RAPGEF1: variants seen among roughly 807,000 people sequenced by gnomAD.
The protein encoded by RAPGEF1 is CRK SH3-binding GNRP.
Under a neutral mutation model 143.3 loss-of-function variants are expected in RAPGEF1, and 33 were observed. The observed-to-expected ratio is 0.23, with a 90% CI of 0.17 to 0.31. The LOEUF (loss-of-function observed/expected upper bound fraction) is 0.31. Among genes scored for constraint, RAPGEF1 ranks in the 10% least tolerant of loss-of-function variants. RAPGEF1 has a pLI of 1.00. For missense variants in RAPGEF1, 1,199 were observed against 1,645.4 expected, an observed-to-expected ratio of 0.73 and a Z score of 4.69; for synonymous variants, 629 against 676.5, an observed-to-expected ratio of 0.93 and a Z score of 1.09.
Position 131,627,908 on chromosome 9 carries a change from C to T in RAPGEF1, c.1201+5G>A, listed in dbSNP as rs951610307. 1.3e-6 allele frequency: 2 copies of T among 1,576,544 alleles called. No homozygotes were observed. The highest frequency in any genetic ancestry group is 8.6e-7 in the Non-Finnish European group (1 of 1,161,630). ...CGATGGAACAGGAGGATGGTGGCGG[C>T]TCACCTAGTGTTTCACAGCTTGTGT... On this transcript the variant is annotated splice_donor_5th_base_variant and intron_variant, in intron 9 of 26. Transcript: ENST00000683357.
rs1407796539 is a variant in RAPGEF1, at chr9:131,629,249, G to C, written c.746C>G (p.Ala249Gly). 1.2e-6 allele frequency: 2 copies of C among 1,613,390 alleles called. No individual in the cohort carries two copies. Among genetic ancestry groups the C allele is most frequent in the Non-Finnish European group, 1.7e-6 (2 of 1,179,534 alleles). ...CTCGCGGTCTGTCAGGGGGAGCTCT[G>C]CTGGGCTGGAGAATTGGGAAGAACT... ...SSPASKPDGP[A>G]ELPLTDREVE... The change falls in exon 7 of 27, where the codon GCA becomes GGA. Residue 249 changes from alanine (A) to glycine (G), a missense_variant. By Grantham distance (60) the Ala-to-Gly change is moderately conservative. Around this residue, in one of 6 missense-constraint regions of RAPGEF1, gnomAD observed 613 missense variants for 710.9 expected, o/e 0.86. Transcript: ENST00000683357.
intron 1 of RAPGEF1, among the ~76,000 whole-genome samples, chr9:131,706,586 A>C (rs1188363593): frequency 6.6e-6 from 1 of 152,116 alleles, no homozygotes; most frequent in African/African-American, 2.4e-5. Flanking sequence ...GGAATCTTTA[A>C]TTCCAGTTTG....
At chr9:131,677,673 A>T (rs993075598) in intron 1 of RAPGEF1, among the ~76,000 whole-genome samples, 1 of 152,234 alleles carries the variant, frequency 6.6e-6, no homozygotes, top group Non-Finnish European at 1.5e-5. Flanking sequence ...AATATTAAAA[A>T]CAGGACTAAA....
chr9:131,673,010 C>A (rs1452788687), intron 1 of RAPGEF1, among the ~76,000 whole-genome samples: 2 of 152,178 alleles, frequency 1.3e-5, no homozygotes, highest in Non-Finnish European at 2.9e-5. Flanking sequence ...CCCTGCTCTT[C>A]CTTCTGCTTC....
chr9:131,603,202 C>T (rs867110776), intron 14 of RAPGEF1, among the ~76,000 whole-genome samples: 3 of 152,004 alleles, frequency 2.0e-5, no homozygotes, highest in Admixed American at 6.5e-5. Flanking sequence ...AAGCTCTTCA[C>T]GGGTGGGGGC....
intron 1 of RAPGEF1, among the ~76,000 whole-genome samples, chr9:131,656,810 G>T (rs917482445): frequency 6.6e-6 from 1 of 152,228 alleles, no homozygotes; most frequent in African/African-American, 2.4e-5. Flanking sequence ...TGGAACTCAA[G>T]AGGTTTATTA....
intron 1 of RAPGEF1, among the ~76,000 whole-genome samples, chr9:131,705,344 A>G (rs1834971036): frequency 6.6e-6 from 1 of 152,214 alleles, no homozygotes; most frequent in African/African-American, 2.4e-5. Flanking sequence ...GTGGTTTACA[A>G]TCAAGTGGTA....
At chr9:131,717,504 G>A (rs1051641308) in intron 1 of RAPGEF1, among the ~76,000 whole-genome samples, 8 of 152,100 alleles carry the variant, frequency 5.3e-5, no homozygotes, top group East Asian at 1.9e-4. Flanking sequence ...GGCCAGGCGC[G>A]GTGGCTCACA....
chr9:131,643,405 G>C lies in RAPGEF1; in HGVS notation c.328C>G (p.Leu110Val). ...RSQRQKNLSW[L>V]EEKEKEVVSA... ...ACAACTTCCTTCTCTTTCTCCTCCA[G>C]CCAGCTCAGGTTCTGAAAGGAGACG... The change falls in exon 4 of 27, where the codon CTG becomes GTG. Residue 110 changes from leucine (L) to valine (V), a missense_variant. This residue lies in a region of RAPGEF1 where 613 missense variants were observed against 710.9 expected (regional missense o/e 0.86). Coordinates refer to ENST00000683357, the MANE Select transcript of RAPGEF1 (RefSeq NM_001377935.1). 6.2e-7 allele frequency: 1 copy of C among 1,612,904 alleles called. No individual in the cohort carries two copies.
chr9:131,665,376 C>T (rs1364854840), intron 1 of RAPGEF1, among the ~76,000 whole-genome samples: 1 of 152,108 alleles, frequency 6.6e-6, no homozygotes, highest in Non-Finnish European at 1.5e-5. Flanking sequence ...GTGAGTTCTA[C>T]CTTAATGGTA....
At chr9:131,659,791 C>G (rs1210368916) in intron 1 of RAPGEF1, among the ~76,000 whole-genome samples, 3 of 152,058 alleles carry the variant, frequency 2.0e-5, no homozygotes, top group African/African-American at 7.2e-5. Context: ...TAACCCCAGT[C>G]TAGTCGAGCC....
intron 12 of RAPGEF1, 113 bp downstream of exon 12, chr9:131,618,938 C>G: frequency 9.4e-6 from 9 of 959,742 alleles, no homozygotes; most frequent in Non-Finnish European, 1.1e-5. Flanking sequence ...TGTAGGGACC[C>G]GCAGAAGGGC....
At chr9:131,634,713 C>CAAAAAAAAAA (rs35405559) in intron 5 of RAPGEF1, among the ~76,000 whole-genome samples, 26 of 61,218 alleles carry the variant, frequency 4.2e-4, no homozygotes, top group East Asian at 5.5e-4. Context: ...GACTCCGTCT[C>CAAAAAAAAAA]AAAAAAAAAA....
chr9:131,699,930 G>A lies in RAPGEF1; in HGVS notation c.61+39840C>T, dbSNP rs1039558441. ...GCCTACACTTCTTTTCTGAACTCCAGATTTTTATACTCCAGATTTTAATGG... is the reference window on the plus strand; with the variant it reads ...GCCTACACTTCTTTTCTGAACTCCAAATTTTTATACTCCAGATTTTAATGG... On this transcript the variant is annotated intron_variant, in intron 1 of 26. Coordinates refer to ENST00000683357, the MANE Select transcript of RAPGEF1 (RefSeq NM_001377935.1). Among the ~76,000 whole-genome samples the A allele has an allele frequency of 2.6e-5, 4 of 152,134 alleles. No homozygotes were observed. In the East Asian group the frequency reaches 7.7e-4, roughly 29 times the overall value.
intron 22 of RAPGEF1, 42 bp downstream of exon 22, chr9:131,587,694 C>T: frequency 1.3e-6 from 2 of 1,581,674 alleles, no homozygotes; most frequent in Non-Finnish European, 1.7e-6. Context: ...CCAGACGTGC[C>T]ACCATCCAGA....
chr9:131,737,443 TG>T, intron 1 of RAPGEF1: 1 of 1,613,910 alleles, frequency 6.2e-7, no homozygotes, highest in Non-Finnish European at 8.5e-7. Flanking sequence ...TCTGGCAGCC[TG>T]GGTAGCTTAG....
chr9:131,728,018 GTC>G (rs1239029328), intron 1 of RAPGEF1, among the ~76,000 whole-genome samples: 1 of 152,138 alleles, frequency 6.6e-6, no homozygotes. Context: ...CTGGGCTTTG[GTC>G]TCTCTGCAAA....
intron 1 of RAPGEF1, among the ~76,000 whole-genome samples, chr9:131,728,268 CTTGAATGTCTTGTGGTTT>C (rs1243532213): frequency 6.6e-6 from 1 of 152,162 alleles, no homozygotes; most frequent in Admixed American, 6.5e-5. Flanking sequence ...ACACGAGGAC[CTTGAATGTCTTGTGGTTT>C]TTAACTGTCA....
At chr9:131,685,984 G>T (rs981129694) in intron 1 of RAPGEF1, among the ~76,000 whole-genome samples, 3 of 151,778 alleles carry the variant, frequency 2.0e-5, no homozygotes, top group Non-Finnish European at 2.9e-5. Context: ...GAGGCGAGGT[G>T]ACTGCTTCTT....
Sources: allele counts gnomAD v4.1 joint callset (sites outside exome capture counted in the v4.1 genomes callset), GRCh38; gene constraint gnomAD v4.1.1; regional missense constraint gnomAD v4.1.1; transcripts MANE v1.5; gene names NCBI Gene and HGNC (gene_info 2026-07-23, HGNC 2026-07-21).